Variants in MICAL1 observed in about 807,000 individuals in gnomAD.
MICAL1 encodes the protein microtubule associated monooxygenase, calponin and LIM domain containing 1.
In MICAL1, 95 loss-of-function variants were observed where a neutral mutation model predicts 131.8. The ratio of observed to expected loss-of-function variants is 0.72; its 90% CI spans 0.61 to 0.86. MICAL1 has a LOEUF of 0.86. MICAL1 is among the 40% of genes least tolerant of loss of function. The pLI, the probability that MICAL1 is intolerant of heterozygous loss-of-function variation, is 0.00. For missense variants in MICAL1, 1,292 were observed against 1,380.6 expected (o/e 0.94, Z 1.02); for synonymous variants, 546 against 554.2 (o/e 0.99, Z 0.21).
At chr6:109,448,010 T>A in intron 13 of MICAL1, 47 bp from the exon 14 acceptor site, 1 of 1,541,392 alleles carries the variant, frequency 6.5e-7, no homozygotes, top group Non-Finnish European at 8.8e-7. Context: ...GTGCCAATAC[T>A]GTACTCTCAG....
Position 109,446,898 on chromosome 6 carries a change from G to C in MICAL1, c.2228-126C>G, listed in dbSNP as rs538985860. ...GCAGGTGAATTTCTGCCAGCCTCCT[G>C]TTCCTCAGAACCACACATCTGGAGC... On this transcript the variant is annotated intron_variant, in intron 17 of 24. Transcript: ENST00000358807. 3.2e-6 allele frequency: 4 copies of C among 1,240,874 alleles called. No individual in the cohort carries two copies. The East Asian group carries it at 7.5e-5, about 23-fold the overall frequency. 76.9% of individuals were successfully genotyped at this position (1,240,874 alleles called of 1,614,324 possible).
chr6:109,453,673 T>C lies in MICAL1; in HGVS notation c.431A>G (p.Tyr144Cys), dbSNP rs374180244. 4 of 1,613,248 alleles carry C rather than the reference T, an allele frequency of 2.5e-6. No homozygotes were observed. The highest frequency in any genetic ancestry group is 2.7e-5 in the African/African-American group (2 of 74,934). Residue 144 changes from tyrosine to cysteine, a missense_variant, in exon 3 of 25, where the codon TAC (tyrosine) becomes TGC (cysteine). Tyr to Cys is a radical substitution (Grantham distance 194). Coordinates refer to ENST00000358807, the MANE Select transcript of MICAL1 (RefSeq NM_022765.4). ...DLRALGAKKF[Y>C]GRFCTGTLDH... ...CAGGGTGCCGGTGCAGAAGCGCCCG[T>C]AGAACTTCTTAGCACCGAGTGCCCG...
chr6:109,447,155 A>G lies in MICAL1; in HGVS notation c.2145T>C (p.His715=), dbSNP rs1266189976. ...YVLERLCVNG[H]FFHRSCFRCH... is the part of the protein sequence containing the mutation. Reference sequence around the variant, plus strand: ...AGCGGAAGCAGCTCCGGTGGAAGAAATGGCCGTTGACACAGAGGCGTTCCA... The same window carrying G: ...AGCGGAAGCAGCTCCGGTGGAAGAAGTGGCCGTTGACACAGAGGCGTTCCA... The change falls in exon 17 of 25, where the codon CAT becomes CAC. Residue 715 remains histidine (H), a synonymous_variant. Coordinates refer to ENST00000358807, the MANE Select transcript of MICAL1 (RefSeq NM_022765.4). The G allele has an allele frequency of 6.2e-7, 1 of 1,614,032 alleles. No individual in the cohort carries two copies. Among genetic ancestry groups the G allele is most frequent in the Non-Finnish European group, 8.5e-7 (1 of 1,180,008 alleles).
chr6:109,453,404 G>T (rs756281250), intron 3 of MICAL1, 37 bp from the exon 4 acceptor site: 1 of 1,598,042 alleles, frequency 6.3e-7, no homozygotes, highest in Admixed American at 1.7e-5. Context: ...GGGACCCTAG[G>T]GCAGCACAAG....
chr6:109,461,314 A>G (rs2115348455), intron 1 of MICAL1, among the ~76,000 whole-genome samples: 1 of 152,308 alleles, frequency 6.6e-6, no homozygotes, highest in African/African-American at 2.4e-5. Context: ...GCTGCATAGT[A>G]TTCCATGGTG....
At position 109,444,094 on chromosome 6, in the gene MICAL1, A is replaced by G; in HGVS notation, c.*97T>C. On this transcript the variant is annotated 3_prime_UTR_variant, in exon 25 of 25. Transcript: ENST00000358807. ...CAGAAACATTTTAATTGTAAACAGC[A>G]AGGCTCTCTGCCAGGCAGCCCAGAT... The G allele has an allele frequency of 1.3e-6, 2 of 1,520,636 alleles. No individual in the cohort carries two copies. The highest frequency in any genetic ancestry group is 8.8e-7 in the Non-Finnish European group (1 of 1,138,516). The allele number at this position is 1,520,636 out of a possible 1,614,324, so 94.2% of individuals were successfully genotyped here. A position where few individuals can be genotyped will look rare whatever the true frequency, so the allele number is the denominator to read the frequency against.
chr6:109,446,909 C>A, intron 17 of MICAL1, 137 bp from the exon 18 acceptor site: 1 of 1,228,352 alleles, frequency 8.1e-7, no homozygotes, highest in Non-Finnish European at 1.2e-6. Context: ...TTCCTCAGAA[C>A]CACACATCTG....
chr6:109,453,889 C>A (rs200172909), intron 2 of MICAL1, 44 bp from the exon 3 acceptor site: 237 of 1,610,318 alleles, frequency 1.5e-4, no homozygotes, highest in Non-Finnish European at 1.9e-4. Context: ...CCTGTCCGTC[C>A]TCTGACTCCC....
rs773808591 is a variant in MICAL1, at chr6:109,449,671, C to T, written c.1420G>A (p.Val474Met). ...GGGGGTCTGACCTGATTGGGGGTCA[C>T]TGCCCGGAGGTTCAGGTTGGGGTAG... ...TRYPNLNLRAVTPNQVRDLYD... is the reference protein window; with the variant it reads ...TRYPNLNLRAMTPNQVRDLYD... Residue 474 changes from valine (V) to methionine (M), a missense_variant, in exon 10 of 25, where the codon GTG (valine) becomes ATG (methionine). Physicochemically the swap from Val to Met is conservative, Grantham distance 21 (BLOSUM62 1). Coordinates refer to ENST00000358807, the MANE Select transcript of MICAL1 (RefSeq NM_022765.4). The T allele has an allele frequency of 1.9e-6, 3 of 1,581,782 alleles. No individual in the cohort carries two copies. The highest frequency in any genetic ancestry group is 4.5e-5 in the East Asian group (2 of 44,728).
intron 3 of MICAL1, 68 bp downstream of exon 3, chr6:109,453,570 C>T (rs753984373): frequency 5.9e-6 from 9 of 1,532,624 alleles, no homozygotes; most frequent in Non-Finnish European, 7.0e-6. Flanking sequence ...GCTGTCCCAG[C>T]ATTTCCCCAC....
chr6:109,451,540 C>G, intron 7 of MICAL1, 60 bp downstream of exon 7: 1 of 1,601,486 alleles, frequency 6.2e-7, no homozygotes, highest in Non-Finnish European at 8.5e-7. Flanking sequence ...TATGTCCAAG[C>G]CTAGCCTCTG....
In MICAL1 at chr6:109,452,145, G is replaced by A. The variant is rs981541831; in HGVS notation, c.832+101C>T. ...CTGCTGAGACCAAAAAAACAGAAAA[G>A]TGTGGAGTTCCTTGCAGTGAGGACA... On this transcript the variant is annotated intron_variant, in intron 6 of 24. Transcript: ENST00000358807. The A allele has an allele frequency of 1.7e-5, 25 of 1,499,586 alleles. No homozygotes were observed. In the African/African-American group the frequency reaches 2.5e-4, roughly 15 times the overall value. The allele number at this position is 1,499,586 out of a possible 1,614,324, so 92.9% of individuals were successfully genotyped here. A position where few individuals can be genotyped will look rare whatever the true frequency, so the allele number is the denominator to read the frequency against.
chr6:109,447,848 A>G (rs760916364), intron 14 of MICAL1, 27 bp downstream of exon 14: 1 of 1,612,716 alleles, frequency 6.2e-7, no homozygotes, highest in South Asian at 1.1e-5. Flanking sequence ...CTCCCTGCTC[A>G]GCTCCAGCCC....
chr6:109,446,138 T>A lies in MICAL1; in HGVS notation c.2579A>T (p.Gln860Leu). 3.2e-6 allele frequency: 5 copies of A among 1,542,720 alleles called. No individual in the cohort carries two copies. The highest frequency in any genetic ancestry group is 4.4e-6 in the Non-Finnish European group (5 of 1,149,342). The change falls in exon 19 of 25, where the codon CAA becomes CTA. Residue 860 changes from glutamine to leucine, a missense_variant and splice_region_variant. Transcript: ENST00000358807. ...GCACATCTGTGAGGATGGGTTACCT[T>A]GAGGGCTCTGGACTGGCAGGCCCCA... ...VGWGLPVQSPQALVAMEKEEK... is the reference protein window; with the variant it reads ...VGWGLPVQSPLALVAMEKEEK...
intron 20 of MICAL1, 49 bp downstream of exon 20, chr6:109,445,722 C>T (rs1255971444): frequency 2.5e-6 from 4 of 1,582,164 alleles, no homozygotes; most frequent in Non-Finnish European, 3.4e-6. Flanking sequence ...GCAGGTTTCT[C>T]CTGTAGTGGG....
At chr6:109,448,096 TGA>T in intron 13 of MICAL1, 105 bp downstream of exon 13, 1 of 1,171,436 alleles carries the variant, frequency 8.5e-7, no homozygotes, top group South Asian at 1.5e-5. Flanking sequence ...TTCCTCTTTC[TGA>T]CACACACACA....
rs773441594 is a variant in MICAL1, at chr6:109,444,879, C to T, written c.2981+17G>A. 1 of 1,614,006 alleles carries T rather than the reference C, an allele frequency of 6.2e-7. No individual in the cohort carries two copies. The highest frequency in any genetic ancestry group is 8.5e-7 in the Non-Finnish European group (1 of 1,179,982). ...AGCCTGGCCCATGGGCCACTGTCAC[C>T]ATCCCCTTCCCCTTACGTGATCATG... On this transcript the variant is annotated intron_variant, in intron 23 of 24. Transcript: ENST00000358807.
upstream of MICAL1, among the ~76,000 whole-genome samples, chr6:109,460,731 A>G (rs9487116): frequency 0.018 from 2,756 of 152,294 alleles, 95 homozygotes; most frequent in African/African-American, 0.063. Flanking sequence ...ACAAAAGCAA[A>G]ACAAAGAGTT....
chr6:109,446,130 G>A lies in MICAL1; in HGVS notation c.2581+6C>T. On this transcript the variant is annotated splice_donor_region_variant and intron_variant, in intron 19 of 24. Transcript: ENST00000358807. ...CTGGGTCAGCACATCTGTGAGGATG[G>A]GTTACCTTGAGGGCTCTGGACTGGC... 6.5e-7 allele frequency: 1 copy of A among 1,536,642 alleles called. No homozygotes were observed. The highest frequency in any genetic ancestry group is 1.3e-5 in the South Asian group (1 of 77,394).
Sources: gnomAD v4.1 joint callset for allele counts (sites outside exome capture counted in the v4.1 genomes callset) on GRCh38, gnomAD v4.1.1 for gene constraint, MANE v1.5 for transcripts, NCBI Gene and HGNC (gene_info 2026-07-23, HGNC 2026-07-21) for gene names.